SRGAP2C: variants seen among roughly 807,000 people sequenced by gnomAD.
SRGAP2C encodes SLIT-ROBO Rho GTPase activating protein 2C, also known as SLIT-ROBO Rho GTPase-activating protein 2C.
A neutral mutation model predicts 25.1 loss-of-function variants in SRGAP2C; 15 were observed. The ratio of observed to expected loss-of-function variants is 0.60; its 90% CI spans 0.40 to 0.92. The LOEUF is 0.92. Ranked by LOEUF, SRGAP2C falls within the 40% of genes least tolerant of loss-of-function variation. The probability of loss-of-function intolerance (pLI) is 0.00; values close to 1 mark genes in which losing one functional copy is unlikely to be tolerated. For synonymous variants in SRGAP2C, 44 were observed against 96.6 expected (o/e 0.46, Z 3.19); for missense variants, 144 against 264.4 (o/e 0.54, Z 3.16).
intron 3 of SRGAP2C, among the ~76,000 whole-genome samples, chr1:121,287,665 G>C (rs1354697916): frequency 2.0e-5 from 3 of 152,192 alleles, no homozygotes; most frequent in Non-Finnish European, 4.4e-5. Context: ...GTGGGTACTT[G>C]GTCTCACTGA....
intron 2 of SRGAP2C, among the ~76,000 whole-genome samples, chr1:121,190,211 G>A (rs1654633031): frequency 6.6e-6 from 1 of 151,634 alleles, no homozygotes; most frequent in African/African-American, 2.4e-5. Context: ...CTTTTTGTGT[G>A]TTATATGGGA....
intron 4 of SRGAP2C, among the ~76,000 whole-genome samples, chr1:121,359,978 G>T (rs1420742105): frequency 6.6e-6 from 1 of 151,930 alleles, no homozygotes; most frequent in African/African-American, 2.4e-5. Context: ...TCTAGCTAAA[G>T]GATTGTAAAT....
At chr1:121,354,408 T>A (rs1553347172) in intron 4 of SRGAP2C, among the ~76,000 whole-genome samples, 1 of 71,892 alleles carries the variant, frequency 1.4e-5, no homozygotes, top group Non-Finnish European at 2.8e-5. Flanking sequence ...TTTTTTTTTT[T>A]TTTTTTTTTT....
intron 3 of SRGAP2C, among the ~76,000 whole-genome samples, chr1:121,309,626 A>C: frequency 2.1e-5 from 3 of 146,006 alleles, no homozygotes; most frequent in Non-Finnish European, 3.0e-5. Context: ...TCCTGTGTCC[A>C]TGTGATCTCA....
chr1:121,345,816 G>A (rs2474126), intron 4 of SRGAP2C, among the ~76,000 whole-genome samples: 86,021 of 145,808 alleles, frequency 0.59, 25,614 homozygotes, highest in East Asian at 0.79. Context: ...ATGCCTGGCT[G>A]ATTTTTGTAT....
chr1:121,359,553 A>G (rs1446160534), intron 4 of SRGAP2C, among the ~76,000 whole-genome samples: 1 of 152,200 alleles, frequency 6.6e-6, no homozygotes, highest in Non-Finnish European at 1.5e-5. Flanking sequence ...GGATTGTTTG[A>G]AGCCAGGAGT....
At chr1:121,191,746 AC>A (rs1654684349) in intron 2 of SRGAP2C, among the ~76,000 whole-genome samples, 1 of 151,026 alleles carries the variant, frequency 6.6e-6, no homozygotes, top group South Asian at 2.1e-4. Flanking sequence ...CCTTTCCTTT[AC>A]CCTCTCTATA....
intron 3 of SRGAP2C, among the ~76,000 whole-genome samples, chr1:121,323,384 G>C (rs1488988698): frequency 6.6e-6 from 1 of 152,070 alleles, no homozygotes; most frequent in African/African-American, 2.4e-5. Flanking sequence ...GGGAGGCCAA[G>C]GTGGGTGGAT....
At chr1:121,230,963 C>T (rs1655802290) in intron 2 of SRGAP2C, among the ~76,000 whole-genome samples, 1 of 137,332 alleles carries the variant, frequency 7.3e-6, no homozygotes, top group Non-Finnish European at 1.6e-5. Context: ...CATGTTCTCA[C>T]TCATAAGTGG....
At chr1:121,370,433 G>A (rs12022518) in intron 5 of SRGAP2C, among the ~76,000 whole-genome samples, 1 of 126,350 alleles carries the variant, frequency 7.9e-6, no homozygotes, top group East Asian at 2.5e-4. Flanking sequence ...ACTGTTCTCA[G>A]ACTTCCTTTT....
At chr1:121,249,566 ATATATATATATATATTTT>A (rs1306197829) in intron 2 of SRGAP2C, among the ~76,000 whole-genome samples, 15 of 33,216 alleles carry the variant, frequency 4.5e-4, no homozygotes, top group African/African-American at 1.9e-3. Context: ...ATATATATAT[ATATATATATATATATTTT>A]TTTTTTTTTT....
At chr1:121,211,222 G>T (rs1352826244) in intron 2 of SRGAP2C, among the ~76,000 whole-genome samples, 1 of 151,130 alleles carries the variant, frequency 6.6e-6, no homozygotes, top group Non-Finnish European at 1.5e-5. Flanking sequence ...TCTTCTTTCA[G>T]GATTTCTATA....
At chr1:121,347,406 T>TA (rs1319111878) in intron 4 of SRGAP2C, among the ~76,000 whole-genome samples, 15 of 130,140 alleles carry the variant, frequency 1.2e-4, no homozygotes, top group South Asian at 5.6e-4. Flanking sequence ...TTTCTTGCTT[T>TA]AAAAAAAAAT....
At chr1:121,287,723 A>G (rs1657401649) in intron 3 of SRGAP2C, among the ~76,000 whole-genome samples, 3 of 152,106 alleles carry the variant, frequency 2.0e-5, no homozygotes, top group African/African-American at 4.8e-5. Context: ...TACAGCTCTT[A>G]AGGTGGTGTG....
At chr1:121,218,631 C>T (rs587767489) in intron 2 of SRGAP2C, among the ~76,000 whole-genome samples, 1 of 149,042 alleles carries the variant, frequency 6.7e-6, no homozygotes, top group African/African-American at 2.6e-5. Flanking sequence ...CCCGTAATCC[C>T]AGCTACTCGG....
At chr1:121,341,169 G>A (rs1658643204) in intron 4 of SRGAP2C, among the ~76,000 whole-genome samples, 1 of 73,022 alleles carries the variant, frequency 1.4e-5, no homozygotes, top group Non-Finnish European at 2.5e-5. Flanking sequence ...TTACCAGAAG[G>A]CAGAGGAAAG....
intron 2 of SRGAP2C, among the ~76,000 whole-genome samples, chr1:121,264,593 C>T (rs1407122588): frequency 6.8e-6 from 1 of 146,444 alleles, no homozygotes; most frequent in Middle Eastern, 3.4e-3. Context: ...TTTCTGTTGC[C>T]TCTGGGCCTT....
intron 3 of SRGAP2C, among the ~76,000 whole-genome samples, chr1:121,302,363 A>G (rs1399793351): frequency 6.6e-6 from 1 of 152,210 alleles, no homozygotes; most frequent in African/African-American, 2.4e-5. Flanking sequence ...TTGCAGGAAT[A>G]GCACAAAGAA....
intron 5 of SRGAP2C, among the ~76,000 whole-genome samples, chr1:121,371,022 A>G (rs1199986622): frequency 6.6e-6 from 1 of 152,072 alleles, no homozygotes; most frequent in Non-Finnish European, 1.5e-5. Flanking sequence ...GCAGAGCTAA[A>G]TATGTGATTT....
Sources: gnomAD v4.1 joint callset for allele counts (sites outside exome capture counted in the v4.1 genomes callset) on GRCh38, gnomAD v4.1.1 for gene constraint, MANE v1.5 for transcripts, NCBI Gene and HGNC (gene_info 2026-07-23, HGNC 2026-07-21) for gene names.